Variants in SNED1 observed in about 807,000 individuals in gnomAD.
SNED1 encodes sushi, nidogen and EGF like domains 1.
SNED1 carries 81 observed loss-of-function variants against 166.7 expected under a neutral mutation model. That is an observed-to-expected ratio of 0.49 (90% CI 0.41 to 0.58). The LOEUF (loss-of-function observed/expected upper bound fraction) is 0.58. SNED1 is among the 20% of genes least tolerant of loss of function. The pLI, the probability that SNED1 is intolerant of heterozygous loss-of-function variation, is 0.00. For missense variants in SNED1, 1,604 were observed against 2,000.2 expected (o/e 0.80, Z 3.78); for synonymous variants, 762 against 822.0 (o/e 0.93, Z 1.25).
chr2:241,087,425 C>A lies in SNED1; in HGVS notation c.4155C>A (p.Ile1385=), dbSNP rs372568480. The stretch of plus-strand genomic sequence containing the variant: ...GAGTCTACCGAGTTCACCAAGACAT[C>A]TGCTTCAAAGAGAGCTGTGAAAGCA... ...YKRVYRVHQD[I]CFKESCESTS... Residue 1385 remains isoleucine, a synonymous_variant, in exon 30 of 32, where the codon ATC becomes ATA. Coordinates refer to ENST00000310397, the MANE Select transcript of SNED1 (RefSeq NM_001080437.3). 8.1e-6 allele frequency: 13 copies of A among 1,604,262 alleles called. No homozygotes were observed. The highest frequency in any genetic ancestry group is 1.3e-5 in the African/African-American group (1 of 74,714).
chr2:241,082,095 T>C lies in SNED1; in HGVS notation c.4034-182T>C, dbSNP rs184163448. ...GAGAAGGGACTCTCCACCCCCACAA[T>C]ACCAACCCACCCCGGCCTTAGAGGA... On this transcript the variant is annotated intron_variant, in intron 28 of 31. Coordinates refer to ENST00000310397, the MANE Select transcript of SNED1 (RefSeq NM_001080437.3). Among the ~76,000 whole-genome samples, 80 of 151,826 alleles carry C rather than the reference T, an allele frequency of 5.3e-4. 1 individual carries two copies. The highest frequency in any genetic ancestry group is 1.7e-3 in the African/African-American group (71 of 41,408).
chr2:241,085,822 T>C (rs1455037502), intron 29 of SNED1, among the ~76,000 whole-genome samples: 1 of 151,852 alleles, frequency 6.6e-6, no homozygotes, highest in East Asian at 1.9e-4. Flanking sequence ...CTGGGGTTAA[T>C]TTTGCCCTAG....
In SNED1 at chr2:241,051,458, G is replaced by A. The variant is rs184038518; in HGVS notation, c.1736-286G>A. On this transcript the variant is annotated intron_variant, in intron 12 of 31. Transcript: ENST00000310397. This position sits in a 1 kb window ranked among gnomAD's most constrained non-coding sequence, Gnocchi z 4.7. ...CTGCGCCCGCTGCAGTGTTGGGGCC[G>A]GTTCTCCACAGGAAGGGCCCAGCCA... 153 of 344,906 alleles carry A rather than the reference G, an allele frequency of 4.4e-4. No homozygotes were observed. Among genetic ancestry groups the A allele is most frequent in the African/African-American group, 2.9e-3 (138 of 47,530 alleles). The allele number at this position is 344,906 out of a possible 1,614,324, so 21.4% of individuals were successfully genotyped here. A position where few individuals can be genotyped will look rare whatever the true frequency, so the allele number is the denominator to read the frequency against.
chr2:241,064,817 A>G lies in SNED1; in HGVS notation c.2600-27A>G. 1 of 1,532,634 alleles carries G rather than the reference A, an allele frequency of 6.5e-7. No individual in the cohort carries two copies. The highest frequency in any genetic ancestry group is 1.2e-5 in the South Asian group (1 of 82,622). The allele number at this position is 1,532,634 out of a possible 1,614,324, so 94.9% of individuals were successfully genotyped here. A position where few individuals can be genotyped will look rare whatever the true frequency, so the allele number is the denominator to read the frequency against. ...CAGGGACCCCTGGCCACGCCCCAACATACACTGCCACTTTTTCTCCCCTCA... is the reference window on the plus strand; with the variant it reads ...CAGGGACCCCTGGCCACGCCCCAACGTACACTGCCACTTTTTCTCCCCTCA... On this transcript the variant is annotated intron_variant, in intron 19 of 31. Coordinates refer to ENST00000310397, the MANE Select transcript of SNED1 (RefSeq NM_001080437.3). The surrounding 1 kb of genome is among the most constrained non-coding windows in gnomAD (Gnocchi z 7.0).
In SNED1 at chr2:240,998,785, G is replaced by C. The variant is rs966576870; in HGVS notation, c.-53G>C. The C allele has an allele frequency of 6.3e-6, 6 of 955,534 alleles. No homozygotes were observed. In the South Asian group the frequency reaches 1.8e-4, roughly 29 times the overall value. The allele number at this position is 955,534 out of a possible 1,614,324, so 59.2% of individuals were successfully genotyped here. A position where few individuals can be genotyped will look rare whatever the true frequency, so the allele number is the denominator to read the frequency against. On this transcript the variant is annotated 5_prime_UTR_variant, in exon 1 of 32. Coordinates refer to ENST00000310397, the MANE Select transcript of SNED1 (RefSeq NM_001080437.3). ...GCCGGCCACCCCCGCGCGCAGCCTA[G>C]TCCCCCAGCGCCCTGCTCCGCCAGC... is the stretch of plus-strand genomic sequence containing the variant.
rs746975906 is a variant in SNED1, at chr2:241,064,175, G to A, written c.2599+50G>A. ...CCCGCCCTCTGCCCGCCTGCTCCCC[G>A]CCCTCTGCCCGCCTGCTGCCCGCCC... On this transcript the variant is annotated intron_variant, in intron 19 of 31. Coordinates refer to ENST00000310397, the MANE Select transcript of SNED1 (RefSeq NM_001080437.3). The surrounding 1 kb of genome is among the most constrained non-coding windows in gnomAD (Gnocchi z 7.0). 9 of 1,262,020 alleles carry A rather than the reference G, an allele frequency of 7.1e-6. No individual in the cohort carries two copies. The East Asian group carries it at 1.1e-4, about 15-fold the overall frequency. The allele number at this position is 1,262,020 out of a possible 1,614,324, so 78.2% of individuals were successfully genotyped here.
chr2:241,036,203 A>C (rs114109677), intron 4 of SNED1, among the ~76,000 whole-genome samples: 1 of 151,806 alleles, frequency 6.6e-6, no homozygotes, highest in Non-Finnish European at 1.5e-5. Context: ...TGAGGGCTGC[A>C]GGTGGTGCCG....
At chr2:241,009,882 A>G (rs1203237688) in intron 1 of SNED1, among the ~76,000 whole-genome samples, 2 of 152,046 alleles carry the variant, frequency 1.3e-5, no homozygotes, top group African/African-American at 4.8e-5. Flanking sequence ...GCCAGGGGCC[A>G]GCCTCCTTCC....
intron 26 of SNED1, chr2:241,072,118 A>G (rs1019987357): frequency 1.0e-5 from 7 of 697,680 alleles, no homozygotes; most frequent in Non-Finnish European, 1.8e-5. Context: ...CTGGAGGCGC[A>G]GGCTGCTGGT....
intron 16 of SNED1, among the ~76,000 whole-genome samples, chr2:241,054,593 G>A (rs1008464283): frequency 2.6e-5 from 4 of 152,028 alleles, no homozygotes; most frequent in African/African-American, 7.3e-5. Context: ...ATGGATTAAC[G>A]GTATAAAATA....
intron 6 of SNED1, 32 bp from the exon 7 acceptor site, chr2:241,040,043 T>A (rs1227135801): frequency 6.7e-7 from 1 of 1,497,272 alleles, no homozygotes. Flanking sequence ...TAACTGGGAG[T>A]CCATCGTCCT....
At chr2:241,023,073 AT>A (rs919314510) in intron 1 of SNED1, among the ~76,000 whole-genome samples, 6 of 151,356 alleles carry the variant, frequency 4.0e-5, no homozygotes, top group South Asian at 2.1e-4. Context: ...CTTAATTTTT[AT>A]TTTTTTCTTC....
chr2:241,066,734 G>A (rs978408121), intron 21 of SNED1, among the ~76,000 whole-genome samples: 1 of 152,204 alleles, frequency 6.6e-6, no homozygotes, highest in Non-Finnish European at 1.5e-5. Context: ...GTAGCATGGC[G>A]GGTAGGTGGG....
chr2:241,086,028 C>G (rs2063558176), intron 29 of SNED1, among the ~76,000 whole-genome samples: 1 of 152,014 alleles, frequency 6.6e-6, no homozygotes, highest in African/African-American at 2.4e-5. Context: ...CCACCATGCC[C>G]AGCTAATTTT....
intron 8 of SNED1, among the ~76,000 whole-genome samples, chr2:241,046,415 G>A (rs988479039): frequency 2.0e-5 from 3 of 152,074 alleles, no homozygotes; most frequent in African/African-American, 7.2e-5. Context: ...CCCTTCACTG[G>A]GTGAATGGAT....
At chr2:241,062,494 C>G (rs924189979) in intron 16 of SNED1, among the ~76,000 whole-genome samples, 13 of 152,154 alleles carry the variant, frequency 8.5e-5, no homozygotes, top group African/African-American at 3.1e-4. Flanking sequence ...TTCTGTCAAA[C>G]CCCTGAGGCC....
intron 1 of SNED1, among the ~76,000 whole-genome samples, chr2:241,008,990 C>T (rs1033857332): frequency 7.2e-5 from 11 of 152,158 alleles, no homozygotes; most frequent in East Asian, 1.9e-4. Context: ...GGGTTGGAGG[C>T]GGCAAAGTGG....
At chr2:241,067,613 G>A in intron 21 of SNED1, 151 bp from the exon 22 acceptor site, 1 of 594,990 alleles carries the variant, frequency 1.7e-6, no homozygotes, top group South Asian at 2.7e-5. Flanking sequence ...ATCCCACTCA[G>A]CCCGAGTTCC....
chr2:241,042,444 A>C (rs1291045138), intron 8 of SNED1, among the ~76,000 whole-genome samples: 1 of 152,194 alleles, frequency 6.6e-6, no homozygotes, highest in Non-Finnish European at 1.5e-5. Flanking sequence ...TATACTCCTC[A>C]ACAGGAGTAT....
Sources: allele counts gnomAD v4.1 joint callset (sites outside exome capture counted in the v4.1 genomes callset), GRCh38; gene constraint gnomAD v4.1.1; non-coding constraint Gnocchi (gnomAD v3.1); transcripts MANE v1.5; gene names NCBI Gene and HGNC (gene_info 2026-07-23, HGNC 2026-07-21).